The following ARHGAP32 variants were observed in gnomAD, a reference collection of about 807,000 sequenced individuals.
The protein encoded by ARHGAP32 is rho GTPase-activating protein 32.
Under a neutral mutation model 186.5 loss-of-function variants are expected in ARHGAP32, and 51 were observed. The observed-to-expected ratio is 0.27, with a 90% CI of 0.22 to 0.35. The LOEUF (loss-of-function observed/expected upper bound fraction) is 0.35. ARHGAP32 is among the 10% of genes least tolerant of loss of function. ARHGAP32 has a pLI of 1.00. For missense variants in ARHGAP32, 2,186 were observed against 2,623.5 expected (o/e 0.83, Z 3.64); for synonymous variants, 950 against 964.3 (o/e 0.99, Z 0.27).
intron 10 of ARHGAP32, among the ~76,000 whole-genome samples, chr11:129,060,539 T>C (rs144614152): frequency 0.011 from 1,731 of 152,200 alleles, 35 homozygotes; most frequent in African/African-American, 0.04. Context: ...GACTCCTTAA[T>C]AGGAAAAAGA....
chr11:129,133,532 C>T (rs1942865832), intron 2 of ARHGAP32, among the ~76,000 whole-genome samples: 3 of 152,264 alleles, frequency 2.0e-5, no homozygotes, highest in South Asian at 2.1e-4. Context: ...AAAAAAGATA[C>T]ATTATGTATT....
intron 1 of ARHGAP32, among the ~76,000 whole-genome samples, chr11:129,242,949 A>G (rs10437709): frequency 0.018 from 2,810 of 152,190 alleles, 43 homozygotes; most frequent in African/African-American, 0.038. Context: ...ACATTTTCCC[A>G]TGACAACTTC....
chr11:129,266,946 C>CA (rs1945408783), intron 1 of ARHGAP32, among the ~76,000 whole-genome samples: 1 of 152,172 alleles, frequency 6.6e-6, no homozygotes, highest in Non-Finnish European at 1.5e-5. Flanking sequence ...TATTTACAAC[C>CA]CTAGGCCAAA....
intron 10 of ARHGAP32, among the ~76,000 whole-genome samples, chr11:129,041,426 T>A (rs1241859820): frequency 6.6e-6 from 1 of 151,922 alleles, no homozygotes; most frequent in Non-Finnish European, 1.5e-5. Flanking sequence ...ATGGGTTTTT[T>A]AAATCAACAC....
At chr11:129,177,189 G>A (rs1283723261) in intron 1 of ARHGAP32, among the ~76,000 whole-genome samples, 1 of 152,074 alleles carries the variant, frequency 6.6e-6, no homozygotes, top group Non-Finnish European at 1.5e-5. Context: ...AAATATAGAA[G>A]AAATGGATAA....
At chr11:129,216,475 A>G (rs1944647598) in intron 1 of ARHGAP32, among the ~76,000 whole-genome samples, 1 of 151,808 alleles carries the variant, frequency 6.6e-6, no homozygotes, top group Non-Finnish European at 1.5e-5. Flanking sequence ...TGAGGTTAGG[A>G]GTTCGAGATC....
At chr11:129,014,580 A>C (rs2134848899) in intron 11 of ARHGAP32, among the ~76,000 whole-genome samples, 1 of 152,366 alleles carries the variant, frequency 6.6e-6, no homozygotes, top group Middle Eastern at 3.4e-3. Flanking sequence ...TATATACATC[A>C]AATTTTAGGA....
At chr11:129,198,051 A>G (rs778238119) in intron 1 of ARHGAP32, among the ~76,000 whole-genome samples, 1 of 152,218 alleles carries the variant, frequency 6.6e-6, no homozygotes, top group Non-Finnish European at 1.5e-5. Context: ...ATAACAGAAA[A>G]GGTCTACTTG....
At chr11:129,064,093 A>G in intron 8 of ARHGAP32, 69 bp from the exon 9 acceptor site, 1 of 1,412,312 alleles carries the variant, frequency 7.1e-7, no homozygotes, top group Non-Finnish European at 9.5e-7. Context: ...ACTATCTATA[A>G]AAGAAATTCA....
At chr11:129,031,121 C>G (rs192975882) in intron 11 of ARHGAP32, among the ~76,000 whole-genome samples, 1 of 152,082 alleles carries the variant, frequency 6.6e-6, no homozygotes, top group Non-Finnish European at 1.5e-5. Flanking sequence ...TTTACAGCAA[C>G]GCTAGAATAG....
intron 1 of ARHGAP32, among the ~76,000 whole-genome samples, chr11:129,181,419 G>A (rs751179099): frequency 3.9e-5 from 6 of 152,022 alleles, no homozygotes; most frequent in African/African-American, 9.7e-5. Flanking sequence ...TTTTACCCAC[G>A]GCTGATGATA....
intron 5 of ARHGAP32, among the ~76,000 whole-genome samples, chr11:129,102,526 A>G (rs937932632): frequency 1.3e-5 from 2 of 152,190 alleles, no homozygotes; most frequent in Non-Finnish European, 2.9e-5. Context: ...AACAAAAACA[A>G]AAACAATTTA....
chr11:129,080,677 G>A (rs912515706), intron 6 of ARHGAP32, among the ~76,000 whole-genome samples: 2 of 151,590 alleles, frequency 1.3e-5, no homozygotes, highest in African/African-American at 4.8e-5. Context: ...AGATAACTAA[G>A]GTCACACTTC....
At chr11:129,184,393 C>T (rs1402454252) in intron 1 of ARHGAP32, among the ~76,000 whole-genome samples, 1 of 151,788 alleles carries the variant, frequency 6.6e-6, no homozygotes, top group Non-Finnish European at 1.5e-5. Flanking sequence ...CTCCAAAGCT[C>T]AAAAAGAAAG....
At chr11:129,097,614 T>C (rs909068817) in intron 5 of ARHGAP32, among the ~76,000 whole-genome samples, 1 of 151,636 alleles carries the variant, frequency 6.6e-6, no homozygotes, top group African/African-American at 2.4e-5. Flanking sequence ...AAAGAGATGA[T>C]TGAGTAATAG....
chr11:129,254,281 A>G (rs1945226649), intron 1 of ARHGAP32, among the ~76,000 whole-genome samples: 1 of 152,040 alleles, frequency 6.6e-6, no homozygotes, highest in African/African-American at 2.4e-5. Context: ...TATATTTTCA[A>G]TTTCCTAAGA....
intron 5 of ARHGAP32, among the ~76,000 whole-genome samples, chr11:129,116,495 G>A (rs1487034374): frequency 1.3e-5 from 2 of 151,996 alleles, no homozygotes; most frequent in Admixed American, 6.6e-5. Context: ...AGAAAAGTAA[G>A]GCTAAGATTT....
chr11:128,966,744 C>T lies in ARHGAP32; in HGVS notation c.*2163G>A, dbSNP rs1270469809. 3 of 152,166 alleles carry T rather than the reference C, an allele frequency of 2.0e-5. No individual in the cohort carries two copies. The highest frequency in any genetic ancestry group is 2.1e-4 in the South Asian group (1 of 4,832). 9.4% of individuals were successfully genotyped at this position (152,166 alleles called of 1,614,324 possible). The stretch of plus-strand genomic sequence containing the variant: ...CTTTAGGCTCTCAGTTACTTAAAGC[C>T]GTGTGTATCTCCTGGTCACAGCAGC... On this transcript the variant is annotated 3_prime_UTR_variant, in exon 23 of 23. Coordinates refer to ENST00000682385, the MANE Select transcript of ARHGAP32 (RefSeq NM_001378024.1).
intron 7 of ARHGAP32, 90 bp downstream of exon 7, chr11:129,066,641 C>G: frequency 8.3e-7 from 1 of 1,211,700 alleles, no homozygotes; most frequent in East Asian, 2.4e-5. Context: ...CCTGCGTGTT[C>G]AGTATAAGCT....
Sources: gnomAD v4.1 joint callset for allele counts (sites outside exome capture counted in the v4.1 genomes callset) on GRCh38, gnomAD v4.1.1 for gene constraint, MANE v1.5 for transcripts, NCBI Gene and HGNC (gene_info 2026-07-23, HGNC 2026-07-21) for gene names.